The following GRM7 variants were observed in gnomAD, a reference collection of about 807,000 sequenced individuals.
The protein encoded by GRM7 is metabotropic glutamate receptor 7.
Under a neutral mutation model 84.5 loss-of-function variants are expected in GRM7, and 35 were observed. That is an observed-to-expected ratio of 0.41 (90% CI 0.32 to 0.55). The LOEUF is 0.55. Among genes scored for constraint, GRM7 ranks in the 20% least tolerant of loss-of-function variants. The pLI is 0.19. For synonymous variants in GRM7, 487 were observed against 455.1 expected (o/e 1.07, Z -0.89); for missense variants, 1,003 against 1,194.6 (o/e 0.84, Z 2.36).
rs867567761 is a variant in GRM7, at chr3:6,998,195, C to T, written c.519+136288C>T. Reference sequence around the variant, plus strand: ...GGTACAGGCATTGGTTAAATACACCCATTCCAAATGGGAGAAATTGACCAA... The same window carrying T: ...GGTACAGGCATTGGTTAAATACACCTATTCCAAATGGGAGAAATTGACCAA... On this transcript the variant is annotated intron_variant, in intron 1 of 9. Coordinates refer to ENST00000357716, the MANE Select transcript of GRM7 (RefSeq NM_000844.4). 6.8e-5 allele frequency among the ~76,000 whole-genome samples: 10 copies of T among 146,110 alleles called. No individual in the cohort carries two copies. In the South Asian group the frequency reaches 1.8e-3, roughly 26 times the overall value.
At chr3:7,387,143 T>C (rs571879126) in intron 4 of GRM7, among the ~76,000 whole-genome samples, 2 of 152,314 alleles carry the variant, frequency 1.3e-5, no homozygotes, top group South Asian at 4.1e-4. Context: ...TTATTTGTTT[T>C]TTTCTTGTTG....
At chr3:7,063,442 C>G (rs1313304349) in intron 1 of GRM7, among the ~76,000 whole-genome samples, 1 of 151,712 alleles carries the variant, frequency 6.6e-6, no homozygotes, top group Non-Finnish European at 1.5e-5. Context: ...CATGCAGAAA[C>G]AACACACTAG....
At chr3:7,045,163 G>T (rs1696759316) in intron 1 of GRM7, among the ~76,000 whole-genome samples, 1 of 152,276 alleles carries the variant, frequency 6.6e-6, no homozygotes, top group Admixed American at 6.5e-5. Context: ...TGTTAGGGCT[G>T]TTAGTATCAG....
chr3:7,651,823 A>G (rs529984128), intron 8 of GRM7, among the ~76,000 whole-genome samples: 1 of 152,246 alleles, frequency 6.6e-6, no homozygotes, highest in African/African-American at 2.4e-5. Context: ...CCATAGCAAA[A>G]AGCTCCAGCC....
At chr3:7,030,119 G>A (rs114779853) in intron 1 of GRM7, among the ~76,000 whole-genome samples, 406 of 152,136 alleles carry the variant, frequency 2.7e-3, no homozygotes, top group African/African-American at 9.4e-3. Flanking sequence ...GAAAAAGAAT[G>A]GACTATCAAG....
intron 2 of GRM7, among the ~76,000 whole-genome samples, chr3:7,181,644 T>G (rs1390997197): frequency 6.6e-6 from 1 of 152,194 alleles, no homozygotes; most frequent in Non-Finnish European, 1.5e-5. Context: ...AGTCTTGCTC[T>G]GTCACCCAGG....
At chr3:7,512,608 A>G (rs1213207954) in intron 7 of GRM7, among the ~76,000 whole-genome samples, 1 of 142,174 alleles carries the variant, frequency 7.0e-6, no homozygotes, top group East Asian at 2.1e-4. Context: ...TTTTTTGAGC[A>G]TTAGAGAGAC....
chr3:7,730,297 C>T (rs561083125), intron 9 of GRM7, among the ~76,000 whole-genome samples: 324 of 152,292 alleles, frequency 2.1e-3, no homozygotes, highest in Middle Eastern at 0.014. Context: ...TGAGCCACTG[C>T]ACCTGGCCTG....
intron 1 of GRM7, among the ~76,000 whole-genome samples, chr3:7,075,496 A>ATGTGTGTGTGTGTGTG (rs376048569): frequency 2.5e-4 from 35 of 138,584 alleles, no homozygotes; most frequent in African/African-American, 5.1e-4. Flanking sequence ...TGCTTCTCAG[A>ATGTGTGTGTGTGTGTG]TGTGTGTGTG....
rs138495664 is a variant in GRM7 at position 7,187,589 on chromosome 3, A to G, written c.736+40921A>G. Among the ~76,000 whole-genome samples, 61 of 152,194 alleles carry G rather than the reference A, an allele frequency of 4.0e-4. No homozygotes were observed. The East Asian group carries it at 9.7e-3, about 24-fold the overall frequency. On this transcript the variant is annotated intron_variant, in intron 2 of 9. Transcript: ENST00000357716. ...GGTCTGATGGCGTTGCAGCTCCGTG[A>G]TTGCTCCTGCAGAGCAGGGCTACCC...
chr3:7,357,740 G>C (rs1016380185), intron 4 of GRM7, among the ~76,000 whole-genome samples: 1 of 152,012 alleles, frequency 6.6e-6, no homozygotes. Context: ...CAGGCTGACA[G>C]GTCACCATGT....
chr3:7,336,219 G>T (rs1701414829), intron 4 of GRM7, among the ~76,000 whole-genome samples: 1 of 151,988 alleles, frequency 6.6e-6, no homozygotes, highest in African/African-American at 2.4e-5. Flanking sequence ...TTCATACCTG[G>T]GATGCAGGGT....
At chr3:7,650,026 T>A (rs1467932768) in intron 8 of GRM7, among the ~76,000 whole-genome samples, 1 of 152,230 alleles carries the variant, frequency 6.6e-6, no homozygotes, top group Non-Finnish European at 1.5e-5. Flanking sequence ...TATTTGTTTT[T>A]ATGTTCTTTT....
chr3:7,444,688 A>G (rs1697430603), intron 5 of GRM7, among the ~76,000 whole-genome samples: 1 of 152,134 alleles, frequency 6.6e-6, no homozygotes, highest in African/African-American at 2.4e-5. Context: ...GTACCTAAAC[A>G]TATCCCCACC....
chr3:7,195,642 C>T (rs1001629260), intron 2 of GRM7, among the ~76,000 whole-genome samples: 1 of 151,854 alleles, frequency 6.6e-6, no homozygotes, highest in Non-Finnish European at 1.5e-5. Context: ...GTCTGTAGAA[C>T]TTTTGAGATT....
intron 2 of GRM7, among the ~76,000 whole-genome samples, chr3:7,200,766 C>T (rs973327608): frequency 6.6e-6 from 1 of 152,056 alleles, no homozygotes; most frequent in Admixed American, 6.5e-5. Context: ...TTTTGTACAC[C>T]TAAATGCACA....
At chr3:7,539,513 TA>T (rs570989497) in intron 7 of GRM7, among the ~76,000 whole-genome samples, 2 of 151,802 alleles carry the variant, frequency 1.3e-5, no homozygotes, top group South Asian at 4.2e-4. Context: ...CCGTCTCTAC[TA>T]AAAATACAAA....
intron 7 of GRM7, among the ~76,000 whole-genome samples, chr3:7,571,395 T>C (rs1020559853): frequency 6.6e-6 from 1 of 152,190 alleles, no homozygotes; most frequent in African/African-American, 2.4e-5. Context: ...AGAAATTTCT[T>C]CTGCCAGATA....
intron 8 of GRM7, among the ~76,000 whole-genome samples, chr3:7,671,491 C>T (rs950055177): frequency 5.3e-5 from 8 of 151,864 alleles, no homozygotes; most frequent in Non-Finnish European, 1.2e-4. Context: ...GCTCGCCTTA[C>T]GTCTATCCAA....
Sources: gnomAD v4.1 joint callset for allele counts (sites outside exome capture counted in the v4.1 genomes callset) on GRCh38, gnomAD v4.1.1 for gene constraint, MANE v1.5 for transcripts, NCBI Gene and HGNC (gene_info 2026-07-23, HGNC 2026-07-21) for gene names.